The following ASB18 variants were observed in gnomAD, a reference collection of about 807,000 sequenced individuals.
The protein encoded by ASB18 is ankyrin repeat and SOCS box protein 18.
In ASB18, 33 loss-of-function variants were observed where a neutral mutation model predicts 33.4. That is an observed-to-expected ratio of 0.99 (90% CI 0.75 to 1.32). ASB18 has a LOEUF of 1.32. ASB18 is among the 40% of genes most tolerant of loss of function. The pLI, the probability that ASB18 is intolerant of heterozygous loss-of-function variation, is 0.00. For missense variants in ASB18, 694 were observed against 655.5 expected (o/e 1.06, Z -0.64); for synonymous variants, 295 against 307.6 (o/e 0.96, Z 0.43).
chr2:236,214,244 C>A lies in ASB18; in HGVS notation c.1101+118G>T. The A allele has an allele frequency of 9.3e-7, 1 of 1,077,710 alleles. No individual in the cohort carries two copies. Among genetic ancestry groups the A allele is most frequent in the Admixed American group, 2.7e-5 (1 of 36,760 alleles). The allele number at this position is 1,077,710 out of a possible 1,614,324, so 66.8% of individuals were successfully genotyped here. A position where few individuals can be genotyped will look rare whatever the true frequency, so the allele number is the denominator to read the frequency against. ...GAGCAGATTCTGCATTTTCACAAGTCCCCAGGGGTGCCTGGGCCATTACAC... is the reference window on the plus strand; with the variant it reads ...GAGCAGATTCTGCATTTTCACAAGTACCCAGGGGTGCCTGGGCCATTACAC... On this transcript the variant is annotated intron_variant, in intron 4 of 5. Coordinates refer to ENST00000409749, the MANE Select transcript of ASB18 (RefSeq NM_212556.4). The surrounding 1 kb of genome is among the most constrained non-coding windows in gnomAD (Gnocchi z 6.5).
In ASB18 at chr2:236,238,610, G is replaced by GGGGTGTGTGTGTGTGTGT. The variant is rs1553601613; in HGVS notation, c.329-655_329-654insACACACACACACACACCC. ...GGTTTGTTTCTTTGCGCTTTTTAGGGGTGTGTGTGTGTGTGTGTGTAGGGT... is the reference window on the plus strand; with the variant it reads ...GGTTTGTTTCTTTGCGCTTTTTAGGGGGGTGTGTGTGTGTGTGTGTGTGTGTGTGTGTGTGTGTAGGGT... On this transcript the variant is annotated intron_variant, in intron 2 of 5. Coordinates refer to ENST00000409749, the MANE Select transcript of ASB18 (RefSeq NM_212556.4). This position sits in a 1 kb window ranked among gnomAD's most constrained non-coding sequence, Gnocchi z 5.2. Among the ~76,000 whole-genome samples the GGGGTGTGTGTGTGTGTGT allele has an allele frequency of 6.7e-6, 1 of 150,270 alleles. No individual in the cohort carries two copies. Among genetic ancestry groups the GGGGTGTGTGTGTGTGTGT allele is most frequent in the African/African-American group, 2.5e-5 (1 of 40,770 alleles).
In ASB18 at chr2:236,249,141, G is replaced by C. The variant is rs1425574219; in HGVS notation, c.206-7739C>G. 1 of 152,246 alleles carries C rather than the reference G, an allele frequency of 6.6e-6. No individual in the cohort carries two copies. The highest frequency in any genetic ancestry group is 1.5e-5 in the Non-Finnish European group (1 of 68,044). The allele number at this position is 152,246 out of a possible 1,614,324, so 9.4% of individuals were successfully genotyped here. A position where few individuals can be genotyped will look rare whatever the true frequency, so the allele number is the denominator to read the frequency against. ...TCGTGTCAGACAGATGTCCATTTAA[G>C]TTCCCTTTCTCATTGGGACTCTTGG... On this transcript the variant is annotated intron_variant, in intron 1 of 5. Transcript: ENST00000409749. This position sits in a 1 kb window ranked among gnomAD's most constrained non-coding sequence, Gnocchi z 4.6.
At chr2:236,218,558 G>A (rs2106270762) in intron 3 of ASB18, among the ~76,000 whole-genome samples, 1 of 152,208 alleles carries the variant, frequency 6.6e-6, no homozygotes, top group Non-Finnish European at 1.5e-5. Context: ...CAGCACTTTG[G>A]GAGGCCAAGG....
rs1187832219 is a variant in ASB18 at position 236,221,572 on chromosome 2, CT to C, written c.597-6707del. Among the ~76,000 whole-genome samples, 1 of 152,154 alleles carries C rather than the reference CT, an allele frequency of 6.6e-6. No homozygotes were observed. The highest frequency in any genetic ancestry group is 1.5e-5 in the Non-Finnish European group (1 of 68,040). On this transcript the variant is annotated intron_variant, in intron 3 of 5. Transcript: ENST00000409749. The surrounding 1 kb of genome is among the most constrained non-coding windows in gnomAD (Gnocchi z 5.6). The stretch of plus-strand genomic sequence containing the variant: ...TTCTCATTCTCTCTCTTGCTGCTGC[CT>C]TTCACCTTCCACCTCCCCAGCCACA...
In ASB18 at chr2:236,231,686, C is replaced by T. The variant is rs2060566048; in HGVS notation, c.596+6003G>A. On this transcript the variant is annotated intron_variant, in intron 3 of 5. Coordinates refer to ENST00000409749, the MANE Select transcript of ASB18 (RefSeq NM_212556.4). The surrounding 1 kb of genome is among the most constrained non-coding windows in gnomAD (Gnocchi z 5.5). ...CTCCTGGCCTCAAGCAATCCTCCAA[C>T]CTTGGCCTCCCAAAGTGCTGGGATT... 6.6e-6 allele frequency among the ~76,000 whole-genome samples: 1 copy of T among 152,214 alleles called. No homozygotes were observed. Among genetic ancestry groups the T allele is most frequent in the African/African-American group, 2.4e-5 (1 of 41,462 alleles).
At position 236,214,518 on chromosome 2, in the gene ASB18, G is replaced by C. The variant is rs1057037261; in HGVS notation, c.945C>G (p.His315Gln). 3.4e-6 allele frequency: 5 copies of C among 1,460,396 alleles called. No homozygotes were observed. The highest frequency in any genetic ancestry group is 5.2e-5 in the Admixed American group (2 of 38,514). 90.5% of individuals were successfully genotyped at this position (1,460,396 alleles called of 1,614,324 possible). ...AGTCGAGCGCGCCCGCGTCGGCGCC[G>C]TGCCGCAGTAGGAGGCGCGCCAGGC... ...SHSLARLLLR[H>Q]GADAGALDYG... The change falls in exon 4 of 6, where the codon CAC becomes CAG. Residue 315 changes from histidine to glutamine, a missense_variant. Coordinates refer to ENST00000409749, the MANE Select transcript of ASB18 (RefSeq NM_212556.4). This position sits in a 1 kb window ranked among gnomAD's most constrained non-coding sequence, Gnocchi z 6.5.
At chr2:236,242,988 T>C (rs1192228170) in intron 1 of ASB18, among the ~76,000 whole-genome samples, 1 of 124,148 alleles carries the variant, frequency 8.1e-6, no homozygotes, top group Non-Finnish European at 1.6e-5. Context: ...GCCACTGTAC[T>C]CCAGCCTGGG....
chr2:236,228,502 T>C lies in ASB18; in HGVS notation c.596+9187A>G, dbSNP rs983873570. On this transcript the variant is annotated intron_variant, in intron 3 of 5. Transcript: ENST00000409749. The surrounding 1 kb of genome is among the most constrained non-coding windows in gnomAD (Gnocchi z 5.1). ...CTCAATACCAATTAGTGTGTGGGCA[T>C]GAGGAAACTACCTAAGCTGTGGAAA... Among the ~76,000 whole-genome samples the C allele has an allele frequency of 1.3e-5, 2 of 152,186 alleles. No homozygotes were observed. Among genetic ancestry groups the C allele is most frequent in the African/African-American group, 4.8e-5 (2 of 41,446 alleles).
At chr2:236,232,678 G>A (rs761241577) in intron 3 of ASB18, among the ~76,000 whole-genome samples, 1 of 151,990 alleles carries the variant, frequency 6.6e-6, no homozygotes, top group Admixed American at 6.6e-5. Flanking sequence ...AAACAACTTA[G>A]CTGAAAGAGG....
In ASB18 at chr2:236,249,468, C is replaced by T. The variant is rs1430291112; in HGVS notation, c.206-8066G>A. 2 of 152,210 alleles carry T rather than the reference C, an allele frequency of 1.3e-5. No individual in the cohort carries two copies. Among genetic ancestry groups the T allele is most frequent in the Non-Finnish European group, 2.9e-5 (2 of 68,086 alleles). The allele number at this position is 152,210 out of a possible 1,614,324, so 9.4% of individuals were successfully genotyped here. A position where few individuals can be genotyped will look rare whatever the true frequency, so the allele number is the denominator to read the frequency against. On this transcript the variant is annotated intron_variant, in intron 1 of 5. Transcript: ENST00000409749. This position sits in a 1 kb window ranked among gnomAD's most constrained non-coding sequence, Gnocchi z 4.6. ...TCTGTTTCCATTCTCTCTGGTACAG[C>T]CATGGAAATCCTCCCCCTTTTTTCT...
chr2:236,218,256 A>G (rs2060496664), intron 3 of ASB18, among the ~76,000 whole-genome samples: 1 of 152,232 alleles, frequency 6.6e-6, no homozygotes, highest in Admixed American at 6.5e-5. Flanking sequence ...TAGTTGGCTA[A>G]ACCTTGGCAC....
Position 236,213,218 on chromosome 2 carries a change from C to T in ASB18, c.1101+1144G>A, listed in dbSNP as rs2060467157. 6.6e-6 allele frequency among the ~76,000 whole-genome samples: 1 copy of T among 151,892 alleles called. No individual in the cohort carries two copies. The highest frequency in any genetic ancestry group is 6.6e-5 in the Admixed American group (1 of 15,246). On this transcript the variant is annotated intron_variant, in intron 4 of 5. Transcript: ENST00000409749. This position sits in a 1 kb window ranked among gnomAD's most constrained non-coding sequence, Gnocchi z 4.8. ...ATTACCCAAAGAGGGGGTGAGACAG[C>T]ATCGGGAAAGTGCCATCCTGTTTGT...
rs754035040 is a variant in ASB18, at chr2:236,260,779, G to A, written c.205+3362C>T. Among the ~76,000 whole-genome samples, 1 of 152,154 alleles carries A rather than the reference G, an allele frequency of 6.6e-6. No individual in the cohort carries two copies. The highest frequency in any genetic ancestry group is 1.5e-5 in the Non-Finnish European group (1 of 68,028). On this transcript the variant is annotated intron_variant, in intron 1 of 5. Transcript: ENST00000409749. The surrounding 1 kb of genome is among the most constrained non-coding windows in gnomAD (Gnocchi z 5.1). Reference sequence around the variant, plus strand: ...ATGAGAAACCGTGCCAAATGCAATTGCAATCCTTAAGTCCCTTTGTGGTAA... The same window carrying A: ...ATGAGAAACCGTGCCAAATGCAATTACAATCCTTAAGTCCCTTTGTGGTAA...
Position 236,204,911 on chromosome 2 carries a change from T to A in ASB18, c.1102-8526A>T, listed in dbSNP as rs2060426010. On this transcript the variant is annotated intron_variant, in intron 4 of 5. Transcript: ENST00000409749. The surrounding 1 kb of genome is among the most constrained non-coding windows in gnomAD (Gnocchi z 5.1). Reference sequence around the variant, plus strand: ...GTCTCTTGGGCTAGAATCAGAGTCGTCCATTGCTCCTGTTTCTCCTACACT... The same window carrying A: ...GTCTCTTGGGCTAGAATCAGAGTCGACCATTGCTCCTGTTTCTCCTACACT... 6.6e-6 allele frequency among the ~76,000 whole-genome samples: 1 copy of A among 152,210 alleles called. No homozygotes were observed. Among genetic ancestry groups the A allele is most frequent in the Non-Finnish European group, 1.5e-5 (1 of 68,040 alleles).
Position 236,258,938 on chromosome 2 carries a change from C to A in ASB18, c.205+5203G>T, listed in dbSNP as rs557545681. On this transcript the variant is annotated intron_variant, in intron 1 of 5. Coordinates refer to ENST00000409749, the MANE Select transcript of ASB18 (RefSeq NM_212556.4). ...GTATATAATATATCAGCAGCAAAAT[C>A]ATGGAATGCTGACATCCTTAATAAT... 1.2e-4 allele frequency among the ~76,000 whole-genome samples: 19 copies of A among 152,262 alleles called. No individual in the cohort carries two copies. The East Asian group carries it at 3.5e-3, about 28-fold the overall frequency.
rs1002256576 is a variant in ASB18 at position 236,249,233 on chromosome 2, C to T, written c.206-7831G>A. On this transcript the variant is annotated intron_variant, in intron 1 of 5. Transcript: ENST00000409749. The surrounding 1 kb of genome is among the most constrained non-coding windows in gnomAD (Gnocchi z 4.6). The stretch of plus-strand genomic sequence containing the variant: ...CCTGTGCTTTGCTTCCTGGTGTTGT[C>T]CTTGATCTCTATGTTTGCTTGCATT... 7 of 152,154 alleles carry T rather than the reference C, an allele frequency of 4.6e-5. No individual in the cohort carries two copies. The highest frequency in any genetic ancestry group is 1.7e-4 in the African/African-American group (7 of 41,426). 9.4% of individuals were successfully genotyped at this position (152,154 alleles called of 1,614,324 possible).
rs982685246 is a variant in ASB18, at chr2:236,213,297, G to T, written c.1101+1065C>A. On this transcript the variant is annotated intron_variant, in intron 4 of 5. Transcript: ENST00000409749. The surrounding 1 kb of genome is among the most constrained non-coding windows in gnomAD (Gnocchi z 4.8). The stretch of plus-strand genomic sequence containing the variant: ...TCGGGGGATTTTCTAACCTTTCAGA[G>T]GCACAGTCTACTCTGAACGCATCTA... Among the ~76,000 whole-genome samples, 19 of 151,932 alleles carry T rather than the reference G, an allele frequency of 1.3e-4. No homozygotes were observed. Among genetic ancestry groups the T allele is most frequent in the Admixed American group, 9.2e-4 (14 of 15,264 alleles).
Position 236,213,024 on chromosome 2 carries a change from G to A in ASB18, c.1101+1338C>T, listed in dbSNP as rs779026757. ...GTGCATGGGAAGGGCAGTGAGTCTT[G>A]TTTCCATGTTATAAGTTGATGAACT... On this transcript the variant is annotated intron_variant, in intron 4 of 5. Transcript: ENST00000409749. The surrounding 1 kb of genome is among the most constrained non-coding windows in gnomAD (Gnocchi z 4.8). Among the ~76,000 whole-genome samples, 8 of 152,172 alleles carry A rather than the reference G, an allele frequency of 5.3e-5. No homozygotes were observed. The highest frequency in any genetic ancestry group is 1.0e-4 in the Non-Finnish European group (7 of 68,030).
At position 236,200,471 on chromosome 2, in the gene ASB18, G is replaced by A. The variant is rs929373375; in HGVS notation, c.1102-4086C>T. ...AGGGTCAGGGCAGCAATGTGGGGTCGTGGCAGAGGTATTACCACCCTGGGC... is the reference window on the plus strand; with the variant it reads ...AGGGTCAGGGCAGCAATGTGGGGTCATGGCAGAGGTATTACCACCCTGGGC... On this transcript the variant is annotated intron_variant, in intron 4 of 5. Transcript: ENST00000409749. The surrounding 1 kb of genome is among the most constrained non-coding windows in gnomAD (Gnocchi z 4.2). Among the ~76,000 whole-genome samples, 1 of 152,352 alleles carries A rather than the reference G, an allele frequency of 6.6e-6. No homozygotes were observed. Among genetic ancestry groups the A allele is most frequent in the Non-Finnish European group, 1.5e-5 (1 of 68,036 alleles).
Sources: allele counts gnomAD v4.1 joint callset (sites outside exome capture counted in the v4.1 genomes callset), GRCh38; gene constraint gnomAD v4.1.1; non-coding constraint Gnocchi (gnomAD v3.1); transcripts MANE v1.5; gene names NCBI Gene and HGNC (gene_info 2026-07-23, HGNC 2026-07-21).